BBS9: variants seen among roughly 807,000 people sequenced by gnomAD.
BBS9 encodes protein PTHB1.
BBS9 carries 89 observed loss-of-function variants against 117.7 expected under a neutral mutation model. The observed-to-expected ratio is 0.76, with a 90% CI of 0.64 to 0.90. The LOEUF (loss-of-function observed/expected upper bound fraction) is 0.90, where lower values mean the gene tolerates loss of function less well. Ranked by LOEUF, BBS9 falls within the 40% of genes least tolerant of loss-of-function variation. BBS9 has a pLI of 0.00. For synonymous variants in BBS9, 379 were observed against 370.9 expected, an observed-to-expected ratio of 1.02 and a Z score of -0.25; for missense variants, 982 against 1,042.2, an observed-to-expected ratio of 0.94 and a Z score of 0.80.
intron 20 of BBS9, among the ~76,000 whole-genome samples, chr7:33,524,310 T>G (rs1312234002): frequency 6.6e-6 from 1 of 152,170 alleles, no homozygotes; most frequent in Non-Finnish European, 1.5e-5. Flanking sequence ...ATTGGAATAG[T>G]TTCAGAAGGA....
At chr7:33,266,261 C>A (rs1798803145) in intron 7 of BBS9, among the ~76,000 whole-genome samples, 1 of 152,162 alleles carries the variant, frequency 6.6e-6, no homozygotes, top group Admixed American at 6.5e-5. Flanking sequence ...ACACGATAGT[C>A]ACTTTGCAGG....
chr7:33,258,054 CTAGATTTA>C, intron 6 of BBS9, among the ~76,000 whole-genome samples: 1 of 152,174 alleles, frequency 6.6e-6, no homozygotes, highest in Non-Finnish European at 1.5e-5. Flanking sequence ...TCTCCACCAG[CTAGATTTA>C]AATAAAAGTC....
At chr7:33,409,581 G>T (rs536162412) in intron 19 of BBS9, among the ~76,000 whole-genome samples, 2 of 152,294 alleles carry the variant, frequency 1.3e-5, no homozygotes, top group South Asian at 4.2e-4. Context: ...TTGAACTTGG[G>T]TAATGTGTTG....
chr7:33,138,435 G>C (rs1196666823), intron 1 of BBS9, among the ~76,000 whole-genome samples: 1 of 151,094 alleles, frequency 6.6e-6, no homozygotes, highest in East Asian at 2.2e-4. Flanking sequence ...ACCTTAAGGT[G>C]CATGTGATTC....
At chr7:33,188,208 C>A (rs1431022996) in intron 5 of BBS9, among the ~76,000 whole-genome samples, 1 of 151,548 alleles carries the variant, frequency 6.6e-6, no homozygotes, top group Non-Finnish European at 1.5e-5. Context: ...TCCAGCCCTT[C>A]ATTTTTATCC....
At chr7:33,320,241 A>G (rs187446087) in intron 9 of BBS9, among the ~76,000 whole-genome samples, 88 of 152,068 alleles carry the variant, frequency 5.8e-4, no homozygotes, top group African/African-American at 2.0e-3. Flanking sequence ...TCCTTCTCCC[A>G]CTACCCTTCC....
At chr7:33,304,064 G>A (rs1456819190) in intron 9 of BBS9, among the ~76,000 whole-genome samples, 35 of 149,258 alleles carry the variant, frequency 2.3e-4, no homozygotes, top group Non-Finnish European at 4.0e-4. Flanking sequence ...GAAGTGAGGA[G>A]CGTCTCTGCC....
chr7:33,416,461 G>A (rs1430725199), intron 19 of BBS9, among the ~76,000 whole-genome samples: 2 of 152,010 alleles, frequency 1.3e-5, no homozygotes, highest in African/African-American at 4.8e-5. Context: ...TGAACGGCAG[G>A]CTGAGAGGTT....
intron 19 of BBS9, among the ~76,000 whole-genome samples, chr7:33,466,287 T>C (rs1475788120): frequency 6.6e-6 from 1 of 152,140 alleles, no homozygotes; most frequent in Non-Finnish European, 1.5e-5. Context: ...GCTAAACTTT[T>C]GTACTCTTTG....
At chr7:33,452,508 A>G (rs1481582581) in intron 19 of BBS9, among the ~76,000 whole-genome samples, 1 of 152,144 alleles carries the variant, frequency 6.6e-6, no homozygotes, top group Non-Finnish European at 1.5e-5. Flanking sequence ...TTCTAGCCTC[A>G]GCGTTCTTAT....
At chr7:33,373,180 G>A (rs1207179539) in intron 17 of BBS9, among the ~76,000 whole-genome samples, 1 of 152,036 alleles carries the variant, frequency 6.6e-6, no homozygotes, top group East Asian at 1.9e-4. Context: ...CTCAGACAAA[G>A]CATTGTGGAA....
intron 19 of BBS9, among the ~76,000 whole-genome samples, chr7:33,411,655 T>A (rs955621067): frequency 6.6e-6 from 1 of 152,154 alleles, no homozygotes; most frequent in African/African-American, 2.4e-5. Context: ...TTTTGAGTCT[T>A]AAAAGTGTTA....
intron 19 of BBS9, among the ~76,000 whole-genome samples, chr7:33,394,585 TATC>T (rs1827632697): frequency 1.3e-5 from 2 of 152,078 alleles, no homozygotes; most frequent in Non-Finnish European, 2.9e-5. Context: ...TTGGGAAAAA[TATC>T]ATTCTTTTTG....
chr7:33,136,230 A>T (rs1790440149), intron 1 of BBS9, among the ~76,000 whole-genome samples: 1 of 152,184 alleles, frequency 6.6e-6, no homozygotes. Flanking sequence ...TGCTTAACTC[A>T]TTTATTAGTT....
intron 15 of BBS9, among the ~76,000 whole-genome samples, chr7:33,356,175 G>A (rs1274972101): frequency 6.6e-6 from 1 of 151,804 alleles, no homozygotes; most frequent in East Asian, 1.9e-4. Flanking sequence ...GATACAATCT[G>A]AAATTTTCTC....
At chr7:33,532,643 C>G (rs1028207711) in intron 20 of BBS9, among the ~76,000 whole-genome samples, 1 of 152,134 alleles carries the variant, frequency 6.6e-6, no homozygotes, top group Non-Finnish European at 1.5e-5. Context: ...GGGTCCCTCC[C>G]ATGACACGTG....
At chr7:33,191,523 C>T (rs928247351) in intron 5 of BBS9, among the ~76,000 whole-genome samples, 1 of 152,150 alleles carries the variant, frequency 6.6e-6, no homozygotes, top group Non-Finnish European at 1.5e-5. Flanking sequence ...TTAGAACTGA[C>T]AGGAGAGGCC....
intron 21 of BBS9, among the ~76,000 whole-genome samples, chr7:33,628,048 A>C (rs1451937767): frequency 6.6e-6 from 1 of 152,188 alleles, no homozygotes; most frequent in East Asian, 1.9e-4. Flanking sequence ...GTAATTTAAA[A>C]ACGTCTCAGA....
chr7:33,432,199 C>G (rs1336607555), intron 19 of BBS9, among the ~76,000 whole-genome samples: 1 of 151,456 alleles, frequency 6.6e-6, no homozygotes, highest in Non-Finnish European at 1.5e-5. Context: ...AGCTTCGCCT[C>G]CCAGGTTCAC....
Sources: gnomAD v4.1 joint callset for allele counts (sites outside exome capture counted in the v4.1 genomes callset) on GRCh38, gnomAD v4.1.1 for gene constraint, MANE v1.5 for transcripts, NCBI Gene and HGNC (gene_info 2026-07-23, HGNC 2026-07-21) for gene names.